SYNJ2: variants seen among roughly 807,000 people sequenced by gnomAD.
SYNJ2 encodes the protein synaptojanin 2, also known as polyphosphatidylinositol phosphatase SYNJ2.
A neutral mutation model predicts 141.3 loss-of-function variants in SYNJ2; 116 were observed. The ratio of observed to expected loss-of-function variants is 0.82; its 90% CI spans 0.71 to 0.96. The LOEUF (loss-of-function observed/expected upper bound fraction) is 0.96. SYNJ2 is among the 40% of genes least tolerant of loss of function. SYNJ2 has a pLI of 0.00. For missense variants in SYNJ2, 1,873 were observed against 1,934.8 expected, an observed-to-expected ratio of 0.97 and a Z score of 0.60; for synonymous variants, 745 against 777.7, an observed-to-expected ratio of 0.96 and a Z score of 0.70.
chr6:158,077,650 T>TAAAAAAAAAA (rs56028079), intron 17 of SYNJ2: 25 of 128,206 alleles, frequency 1.9e-4, no homozygotes, highest in African/African-American at 7.1e-4. Context: ...AACTAGTACA[T>TAAAAAAAAAA]AAAAAAAAAA....
intron 5 of SYNJ2, among the ~76,000 whole-genome samples, chr6:158,049,448 G>A (rs1003501494): frequency 3.9e-5 from 6 of 152,316 alleles, no homozygotes; most frequent in South Asian, 2.1e-4. Flanking sequence ...AGGGATGCAC[G>A]GGGTGACGGA....
chr6:158,060,742 C>T (rs575409666), intron 7 of SYNJ2, among the ~76,000 whole-genome samples: 1 of 152,260 alleles, frequency 6.6e-6, no homozygotes, highest in East Asian at 1.9e-4. Flanking sequence ...ATAATAAGAA[C>T]CCCAAGTCCT....
chr6:158,063,911 G>A, intron 9 of SYNJ2, 39 bp downstream of exon 9: 1 of 1,607,516 alleles, frequency 6.2e-7, no homozygotes, highest in Non-Finnish European at 8.5e-7. Flanking sequence ...ATCTGTGCCA[G>A]GTCCTGTGAC....
At chr6:158,089,764 G>A (rs1275276465) in intron 24 of SYNJ2, 75 bp from the exon 25 acceptor site, 11 of 1,092,142 alleles carry the variant, frequency 1.0e-5, no homozygotes, top group Admixed American at 1.9e-5. Context: ...ACAGACCCAC[G>A]GGTAGCAGAT....
At chr6:158,087,875 CTTTTTTTTTT>C (rs749329722) in intron 23 of SYNJ2, among the ~76,000 whole-genome samples, 1 of 94,502 alleles carries the variant, frequency 1.1e-5, no homozygotes, top group African/African-American at 3.8e-5. Flanking sequence ...CAACATACTT[CTTTTTTTTTT>C]TTTTTTTTTT....
At chr6:157,999,265 G>A (rs968466626) in intron 1 of SYNJ2, among the ~76,000 whole-genome samples, 6 of 152,302 alleles carry the variant, frequency 3.9e-5, no homozygotes, top group South Asian at 4.1e-4. Flanking sequence ...TGCTTGCCCC[G>A]TCTCCAGCCC....
At chr6:157,981,458 G>A (rs1030751346), upstream of SYNJ2, among the ~76,000 whole-genome samples, 1 of 152,172 alleles carries the variant, frequency 6.6e-6, no homozygotes, top group Non-Finnish European at 1.5e-5. The surrounding 1 kb of genome is among the most constrained non-coding windows in gnomAD (Gnocchi z 6.4). Flanking sequence ...GAAAGGACTC[G>A]TCCAGGGTCG....
In SYNJ2 at chr6:158,070,790, T is replaced by A. The variant is rs1781870993; in HGVS notation, c.1941-812T>A. ...TCTATGGACTCGTATGCGTCATAAG[T>A]GGGCATTTGAATGCAAGCAGGCTCT... is the stretch of plus-strand genomic sequence containing the variant. On this transcript the variant is annotated intron_variant, in intron 14 of 26. Transcript: ENST00000355585. The surrounding 1 kb of genome is among the most constrained non-coding windows in gnomAD (Gnocchi z 4.0). Among the ~76,000 whole-genome samples, 1 of 152,188 alleles carries A rather than the reference T, an allele frequency of 6.6e-6. No individual in the cohort carries two copies. Among genetic ancestry groups the A allele is most frequent in the African/African-American group, 2.4e-5 (1 of 41,450 alleles).
chr6:158,093,940 G>A (rs761034865), intron 26 of SYNJ2: 1 of 765,300 alleles, frequency 1.3e-6, no homozygotes, highest in Non-Finnish European at 2.4e-6. Context: ...CTGCTTCAAA[G>A]ACATGAGTTT....
At chr6:158,016,336 A>C (rs184012237) in intron 1 of SYNJ2, among the ~76,000 whole-genome samples, 4 of 152,276 alleles carry the variant, frequency 2.6e-5, no homozygotes, top group East Asian at 3.9e-4. Flanking sequence ...CTGGTCTCGA[A>C]CTTCTGACCT....
intron 1 of SYNJ2, among the ~76,000 whole-genome samples, chr6:157,993,361 T>C (rs1475601996): frequency 6.6e-6 from 1 of 152,236 alleles, no homozygotes; most frequent in Non-Finnish European, 1.5e-5. Flanking sequence ...AATCTTTTGC[T>C]CATTTTTTGG....
At chr6:158,030,104 T>G (rs1273579342) in intron 3 of SYNJ2, among the ~76,000 whole-genome samples, 2 of 152,222 alleles carry the variant, frequency 1.3e-5, no homozygotes, top group Non-Finnish European at 2.9e-5. Context: ...TAAGATCTCC[T>G]GGTGCTTTTT....
At chr6:157,995,145 A>T (rs1777592275) in intron 1 of SYNJ2, among the ~76,000 whole-genome samples, 1 of 152,212 alleles carries the variant, frequency 6.6e-6, no homozygotes, top group Admixed American at 6.5e-5. Context: ...TTCAGACTAT[A>T]TACAGGCAAT....
At chr6:157,992,711 T>A (rs1489484585) in intron 1 of SYNJ2, among the ~76,000 whole-genome samples, 1 of 151,794 alleles carries the variant, frequency 6.6e-6, no homozygotes, top group African/African-American at 2.4e-5. Context: ...CTCGGCTGGC[T>A]GGCTTGTTTC....
chr6:158,088,206 G>T (rs1056128914), intron 23 of SYNJ2, among the ~76,000 whole-genome samples: 1 of 151,144 alleles, frequency 6.6e-6, no homozygotes, highest in South Asian at 2.1e-4. Flanking sequence ...GACTGCAGGC[G>T]CATACCATCA....
At position 158,017,196 on chromosome 6, in the gene SYNJ2, T is replaced by C. The variant is rs776730442; in HGVS notation, c.128-8T>C. ...GCTGATGCCTTCTGTGATGTGTTTCTTCCCCAGCTCCAGAAGAAAAGGAAG... is the reference window on the plus strand; with the variant it reads ...GCTGATGCCTTCTGTGATGTGTTTCCTCCCCAGCTCCAGAAGAAAAGGAAG... On this transcript the variant is annotated splice_region_variant and splice_polypyrimidine_tract_variant and intron_variant, in intron 1 of 26. Coordinates refer to ENST00000355585, the MANE Select transcript of SYNJ2 (RefSeq NM_003898.4). 4.3e-6 allele frequency: 7 copies of C among 1,612,662 alleles called. No individual in the cohort carries two copies. Among genetic ancestry groups the C allele is most frequent in the Admixed American group, 3.3e-5 (2 of 59,938 alleles).
chr6:158,027,140 C>A lies in SYNJ2; in HGVS notation c.215-1616C>A, dbSNP rs566657343. 7.1e-6 allele frequency: 7 copies of A among 985,286 alleles called. No individual in the cohort carries two copies. The highest frequency in any genetic ancestry group is 8.4e-6 in the Non-Finnish European group (7 of 829,940). 61.0% of individuals were successfully genotyped at this position (985,286 alleles called of 1,614,324 possible). A position where few individuals can be genotyped will look rare whatever the true frequency, so the allele number is the denominator to read the frequency against. ...CAGCCACACGCCACCCTGCCACAAG[C>A]AGCGCTCTTCTCCCTATGAAGTGTG... On this transcript the variant is annotated intron_variant, in intron 2 of 26. Coordinates refer to ENST00000355585, the MANE Select transcript of SYNJ2 (RefSeq NM_003898.4). The surrounding 1 kb of genome is among the most constrained non-coding windows in gnomAD (Gnocchi z 4.6).
At chr6:158,028,278 G>A (rs1244266049) in intron 2 of SYNJ2, 1 of 172,334 alleles carries the variant, frequency 5.8e-6, no homozygotes, top group East Asian at 1.6e-4. Flanking sequence ...GGCCACTCCT[G>A]TGATGGAGTG....
intron 5 of SYNJ2, among the ~76,000 whole-genome samples, chr6:158,047,799 A>AAAAAC (rs1562355894): frequency 2.0e-5 from 3 of 149,806 alleles, no homozygotes; most frequent in African/African-American, 7.4e-5. Flanking sequence ...AAAAAAAAAA[A>AAAAAC]AAAAAACACA....
Sources: gnomAD v4.1 joint callset for allele counts (sites outside exome capture counted in the v4.1 genomes callset) on GRCh38, gnomAD v4.1.1 for gene constraint, Gnocchi (gnomAD v3.1) non-coding constraint, MANE v1.5 for transcripts, NCBI Gene and HGNC (gene_info 2026-07-23, HGNC 2026-07-21) for gene names.